DIS3L2: variants seen among roughly 807,000 people sequenced by gnomAD.
DIS3L2 encodes the protein DIS3 like 3'-5' exoribonuclease 2, also known as DIS3-like exonuclease 2.
A neutral mutation model predicts 97.5 loss-of-function variants in DIS3L2; 34 were observed. The observed-to-expected ratio is 0.35, with a 90% CI of 0.27 to 0.46. The LOEUF (loss-of-function observed/expected upper bound fraction) is 0.46. DIS3L2 is among the 20% of genes least tolerant of loss of function. DIS3L2 has a pLI of 1.00. For synonymous variants in DIS3L2, 435 were observed against 445.2 expected (o/e 0.98, Z 0.29); for missense variants, 1,038 against 1,146.0 (o/e 0.91, Z 1.36).
intron 9 of DIS3L2, among the ~76,000 whole-genome samples, chr2:232,164,457 C>A (rs967302246): frequency 1.3e-5 from 2 of 152,192 alleles, no homozygotes; most frequent in African/African-American, 4.8e-5. Context: ...ATACAACCCA[C>A]TGAGGCTGTG....
chr2:232,180,973 C>T (rs1419738191), intron 9 of DIS3L2, among the ~76,000 whole-genome samples: 202 of 42,818 alleles, frequency 4.7e-3, no homozygotes, highest in Non-Finnish European at 6.6e-3. Context: ...CCATGTTTAG[C>T]GCTTCCTTCA....
chr2:231,979,541 G>GTTAT (rs772286082), intron 1 of DIS3L2, among the ~76,000 whole-genome samples: 7 of 151,850 alleles, frequency 4.6e-5, no homozygotes, highest in Admixed American at 2.6e-4. Context: ...AGGCCTGAAG[G>GTTAT]TTATTTATTT....
chr2:232,001,361 T>C (rs1693897392), intron 1 of DIS3L2, among the ~76,000 whole-genome samples: 1 of 152,184 alleles, frequency 6.6e-6, no homozygotes, highest in South Asian at 2.1e-4. Flanking sequence ...TTTTGAGAAA[T>C]GTCTACCTAG....
At chr2:232,038,567 C>T (rs946995267) in intron 5 of DIS3L2, among the ~76,000 whole-genome samples, 1 of 152,112 alleles carries the variant, frequency 6.6e-6, no homozygotes, top group African/African-American at 2.4e-5. Context: ...CAAGAGATGG[C>T]CAAAATAAGC....
At chr2:232,147,198 T>C (rs1690241589) in intron 8 of DIS3L2, among the ~76,000 whole-genome samples, 1 of 152,154 alleles carries the variant, frequency 6.6e-6, no homozygotes, top group Non-Finnish European at 1.5e-5. Flanking sequence ...CTTGAACTCC[T>C]GGGCTCAAGT....
At chr2:232,083,106 C>T (rs1254732826) in intron 5 of DIS3L2, among the ~76,000 whole-genome samples, 1 of 152,046 alleles carries the variant, frequency 6.6e-6, no homozygotes, top group African/African-American at 2.4e-5. Flanking sequence ...CTGGTCCCTC[C>T]CATGACACAT....
chr2:232,331,915 G>A (rs1695748185), intron 16 of DIS3L2: 1 of 152,324 alleles, frequency 6.6e-6, no homozygotes. Flanking sequence ...TCCGATGGCA[G>A]AGAGTTACCA....
At chr2:232,335,935 G>C in intron 20 of DIS3L2, 61 bp downstream of exon 20, 5 of 1,547,496 alleles carry the variant, frequency 3.2e-6, no homozygotes, top group Non-Finnish European at 4.4e-6. Flanking sequence ...TGCCTCCTGC[G>C]GTGCCCCTCA....
At chr2:232,135,142 G>A (rs1698321748) in intron 7 of DIS3L2, among the ~76,000 whole-genome samples, 1 of 152,136 alleles carries the variant, frequency 6.6e-6, no homozygotes, top group East Asian at 1.9e-4. Context: ...AAGGTTGCTG[G>A]CGTTGAAGAG....
intron 5 of DIS3L2, among the ~76,000 whole-genome samples, chr2:232,082,880 G>T (rs957967829): frequency 1.3e-5 from 2 of 152,182 alleles, no homozygotes; most frequent in African/African-American, 4.8e-5. Flanking sequence ...ATTTACAAAA[G>T]AAAGAGGTTA....
intron 6 of DIS3L2, among the ~76,000 whole-genome samples, chr2:232,129,466 C>T (rs1438306337): frequency 6.6e-6 from 1 of 152,144 alleles, no homozygotes; most frequent in African/African-American, 2.4e-5. Context: ...TGCTGATGTC[C>T]TCTTTCACTG....
intron 5 of DIS3L2, among the ~76,000 whole-genome samples, chr2:232,030,351 A>G (rs1694772563): frequency 1.3e-5 from 2 of 152,166 alleles, no homozygotes. Flanking sequence ...ATTCTTTTGA[A>G]TAAATACTGA....
At chr2:232,267,294 A>C (rs527427537) in intron 13 of DIS3L2, among the ~76,000 whole-genome samples, 2 of 152,366 alleles carry the variant, frequency 1.3e-5, no homozygotes, top group East Asian at 3.9e-4. Flanking sequence ...ACTGCCTTCC[A>C]GGTGGGATTA....
intron 8 of DIS3L2, among the ~76,000 whole-genome samples, chr2:232,140,460 A>G (rs1332466650): frequency 6.6e-6 from 1 of 152,204 alleles, no homozygotes; most frequent in Non-Finnish European, 1.5e-5. Flanking sequence ...TGCACCATGA[A>G]TCAAGCTAGA....
At chr2:232,159,376 C>A (rs76140657) in intron 8 of DIS3L2, among the ~76,000 whole-genome samples, 457 of 152,330 alleles carry the variant, frequency 3.0e-3, no homozygotes, top group African/African-American at 0.01. Flanking sequence ...ATGAGTGAAT[C>A]CTAAGCAGCC....
chr2:232,078,387 C>T (rs4973506), intron 5 of DIS3L2, among the ~76,000 whole-genome samples: 15,627 of 152,068 alleles, frequency 0.1, 1,739 homozygotes, highest in East Asian at 0.51. Flanking sequence ...TTCCCCCCCG[C>T]CCCGCTCCCC....
In DIS3L2 at chr2:232,163,514, A is replaced by G; in HGVS notation, c.1006A>G (p.Ile336Val). The G allele has an allele frequency of 6.2e-7, 1 of 1,614,196 alleles. No individual in the cohort carries two copies. The highest frequency in any genetic ancestry group is 1.1e-5 in the South Asian group (1 of 91,082). Residue 336 changes from isoleucine to valine, a missense_variant, in exon 9 of 21, where the codon ATA becomes GTA. Physicochemically the swap from Ile to Val is conservative, Grantham distance 29. This residue lies in a region of DIS3L2 where 813 missense variants were observed against 880.1 expected (regional missense o/e 0.92). Coordinates refer to ENST00000325385, the MANE Select transcript of DIS3L2 (RefSeq NM_152383.5). ...TGAAATTGAGCCTGAAACAGAAGGA[A>G]TACTAACAGAGTATGGCGTGGATTT... Reference protein sequence around the residue: ...AGEIEPETEGILTEYGVDFSD... With the variant: ...AGEIEPETEGVLTEYGVDFSD...
At chr2:232,289,542 G>A (rs1574996868) in intron 13 of DIS3L2, among the ~76,000 whole-genome samples, 1 of 152,158 alleles carries the variant, frequency 6.6e-6, no homozygotes, top group African/African-American at 2.4e-5. Flanking sequence ...CAAAGTGATG[G>A]GATTATAGGC....
chr2:232,221,704 G>A (rs1271845130), intron 10 of DIS3L2, among the ~76,000 whole-genome samples: 1 of 152,076 alleles, frequency 6.6e-6, no homozygotes, highest in Non-Finnish European at 1.5e-5. Flanking sequence ...AGGAGGCTGA[G>A]GTGGGAGAAT....
Sources: gnomAD v4.1 joint callset for allele counts (sites outside exome capture counted in the v4.1 genomes callset) on GRCh38, gnomAD v4.1.1 for gene constraint, gnomAD v4.1.1 regional missense constraint, MANE v1.5 for transcripts, NCBI Gene and HGNC (gene_info 2026-07-23, HGNC 2026-07-21) for gene names.